Variants in RBFOX1 observed in about 807,000 individuals in gnomAD.
The protein encoded by RBFOX1 is RNA binding fox-1 homolog 1.
RBFOX1 carries 8 observed loss-of-function variants against 57.7 expected under a neutral mutation model. The observed-to-expected ratio is 0.14, with a 90% confidence interval of 0.08 to 0.25. RBFOX1 has a LOEUF of 0.25. RBFOX1 is among the 10% of genes least tolerant of loss of function. The pLI is 1.00. For synonymous variants in RBFOX1, 326 were observed against 222.4 expected (o/e 1.47, Z -4.15); for missense variants, 611 against 548.5 (o/e 1.11, Z -1.14).
chr16:7,542,440 T>G (rs1006155474), intron 5 of RBFOX1, among the ~76,000 whole-genome samples: 4 of 151,688 alleles, frequency 2.6e-5, no homozygotes, highest in Non-Finnish European at 4.4e-5. Context: ...CGGGTGCAAG[T>G]GCAGAGGAAG....
intron 2 of RBFOX1, among the ~76,000 whole-genome samples, chr16:5,566,291 A>T (rs1440567349): frequency 6.6e-6 from 1 of 152,132 alleles, no homozygotes; most frequent in Non-Finnish European, 1.5e-5. Context: ...GGGCTGGCTT[A>T]TGTCAGCACT....
intron 1 of RBFOX1, among the ~76,000 whole-genome samples, chr16:5,397,287 A>G (rs1192285871): frequency 1.3e-5 from 2 of 151,770 alleles, no homozygotes; most frequent in East Asian, 3.9e-4. Flanking sequence ...AGGTGCTCCA[A>G]ACATTTCCTT....
At chr16:6,483,832 G>A (rs982740022) in intron 2 of RBFOX1, 3 of 1,267,226 alleles carry the variant, frequency 2.4e-6, no homozygotes, top group Non-Finnish European at 3.0e-6. Context: ...TAGAATAGGG[G>A]ACTTGGCCGT....
chr16:7,614,894 T>G (rs757028771), intron 10 of RBFOX1: 1 of 152,222 alleles, frequency 6.6e-6, no homozygotes, highest in Non-Finnish European at 1.5e-5. Context: ...AGAACTACCA[T>G]GTGAAAAATT....
intron 4 of RBFOX1, among the ~76,000 whole-genome samples, chr16:7,316,323 C>T (rs2096438203): frequency 6.6e-6 from 1 of 152,116 alleles, no homozygotes. Context: ...ATGTTTTTAC[C>T]TGTTTGTATA....
intron 2 of RBFOX1, among the ~76,000 whole-genome samples, chr16:5,507,886 G>C (rs547663237): frequency 6.6e-6 from 1 of 152,150 alleles, no homozygotes; most frequent in Non-Finnish European, 1.5e-5. Context: ...TGGCCCTGCT[G>C]ACACCTCCAT....
chr16:7,283,150 CA>C (rs1387217786), intron 4 of RBFOX1, among the ~76,000 whole-genome samples: 2 of 152,032 alleles, frequency 1.3e-5, no homozygotes, highest in African/African-American at 4.8e-5. Context: ...GGTAGTTCTA[CA>C]TTTAGGTCTT....
chr16:7,273,302 G>A (rs762514722), intron 4 of RBFOX1, among the ~76,000 whole-genome samples: 2 of 136,582 alleles, frequency 1.5e-5, no homozygotes, highest in East Asian at 4.6e-4. Flanking sequence ...AGAATGTTAC[G>A]CTAAGTTTTG....
At chr16:6,784,012 A>T (rs568757360) in intron 3 of RBFOX1, among the ~76,000 whole-genome samples, 20 of 152,222 alleles carry the variant, frequency 1.3e-4, no homozygotes, top group African/African-American at 4.8e-4. Flanking sequence ...GCTGACAAAC[A>T]TTTGGACTTC....
chr16:6,110,717 G>T (rs1350427275), intron 1 of RBFOX1, among the ~76,000 whole-genome samples: 1 of 152,140 alleles, frequency 6.6e-6, no homozygotes, highest in African/African-American at 2.4e-5. Flanking sequence ...CAGAGCAGTG[G>T]TTCTCAATGG....
chr16:7,509,796 TTTGCCC>T (rs1303635682), intron 4 of RBFOX1, among the ~76,000 whole-genome samples: 2 of 152,166 alleles, frequency 1.3e-5, no homozygotes, highest in Non-Finnish European at 2.9e-5. Flanking sequence ...TCCCTGAATG[TTTGCCC>T]TCCCCTCTTA....
chr16:6,921,377 G>A (rs1233472203), intron 3 of RBFOX1, among the ~76,000 whole-genome samples: 1 of 152,150 alleles, frequency 6.6e-6, no homozygotes, highest in Non-Finnish European at 1.5e-5. Flanking sequence ...AAATGGGGAT[G>A]GATATGCTTC....
At chr16:7,124,551 C>G (rs1471539778) in intron 4 of RBFOX1, among the ~76,000 whole-genome samples, 2 of 130,278 alleles carry the variant, frequency 1.5e-5, no homozygotes, top group Admixed American at 7.9e-5. Flanking sequence ...CTCTCCCTCC[C>G]TCCCTCCCTC....
chr16:7,137,374 G>A (rs1358148417), intron 4 of RBFOX1, among the ~76,000 whole-genome samples: 1 of 152,160 alleles, frequency 6.6e-6, no homozygotes, highest in Non-Finnish European at 1.5e-5. Context: ...TAATCGAATT[G>A]TGGGGGTAGT....
At position 5,551,760 on chromosome 16, in the gene RBFOX1, A is replaced by C. The variant is rs569364967; in HGVS notation, c.259-47142A>C. Among the ~76,000 whole-genome samples the C allele has an allele frequency of 3.9e-5, 6 of 152,076 alleles. No individual in the cohort carries two copies. The South Asian group carries it at 1.2e-3, about 32-fold the overall frequency. ...CTGGATTTTAAGCCCCACATGTATTATGTATTTCTCCTAAAGCTGTCCCTC... is the reference window on the plus strand; with the variant it reads ...CTGGATTTTAAGCCCCACATGTATTCTGTATTTCTCCTAAAGCTGTCCCTC... On this transcript the variant is annotated intron_variant, in intron 2 of 2. Coordinates refer to the RBFOX1 transcript ENST00000585867.
chr16:6,695,314 G>T lies in RBFOX1; in HGVS notation c.-16+40664G>T, dbSNP rs146674553. Among the ~76,000 whole-genome samples, 8 of 150,932 alleles carry T rather than the reference G, an allele frequency of 5.3e-5. No homozygotes were observed. In the East Asian group the frequency reaches 1.4e-3, roughly 26 times the overall value. On this transcript the variant is annotated intron_variant, in intron 3 of 15. Coordinates refer to ENST00000550418, the MANE Select transcript of RBFOX1 (RefSeq NM_018723.4). ...AGTGCCTGTAATAGGTACTCAGGAG[G>T]CTGAGGCAGGAGAATCGCTTGAACC...
chr16:5,353,535 G>C (rs2065311438), intron 1 of RBFOX1, among the ~76,000 whole-genome samples: 1 of 152,122 alleles, frequency 6.6e-6, no homozygotes, highest in South Asian at 2.1e-4. Flanking sequence ...GGATTTATGT[G>C]AATGTCACAG....
intron 1 of RBFOX1, among the ~76,000 whole-genome samples, chr16:5,323,716 G>A (rs751326556): frequency 2.0e-5 from 3 of 152,172 alleles, no homozygotes; most frequent in Non-Finnish European, 4.4e-5. Context: ...ATGAGCTCTG[G>A]CATTTCTTGA....
chr16:6,811,734 C>A (rs1457520109), intron 3 of RBFOX1, among the ~76,000 whole-genome samples: 1 of 151,944 alleles, frequency 6.6e-6, no homozygotes, highest in Non-Finnish European at 1.5e-5. Context: ...TTCAAAAATA[C>A]AGAAATTAGC....
Sources: gnomAD v4.1 joint callset for allele counts (sites outside exome capture counted in the v4.1 genomes callset) on GRCh38, gnomAD v4.1.1 for gene constraint, MANE v1.5 for transcripts, NCBI Gene and HGNC (gene_info 2026-07-23, HGNC 2026-07-21) for gene names.